PIK3CB: variants seen among roughly 807,000 people sequenced by gnomAD.
PIK3CB encodes phosphatidylinositol-4,5-bisphosphate 3-kinase catalytic subunit beta, also known as phosphatidylinositol 4,5-bisphosphate 3-kinase catalytic subunit beta isoform.
Under a neutral mutation model 136.8 loss-of-function variants are expected in PIK3CB, and 39 were observed. The observed-to-expected ratio is 0.29, with a 90% CI of 0.22 to 0.37. PIK3CB has a LOEUF of 0.37. Among genes scored for constraint, PIK3CB ranks in the 10% least tolerant of loss-of-function variants. The pLI is 1.00. For synonymous variants in PIK3CB, 428 were observed against 436.6 expected, an observed-to-expected ratio of 0.98 and a Z score of 0.25; for missense variants, 868 against 1,275.4, an observed-to-expected ratio of 0.68 and a Z score of 4.87.
intron 19 of PIK3CB, among the ~76,000 whole-genome samples, chr3:138,681,423 T>C (rs1209293403): frequency 6.6e-6 from 1 of 152,210 alleles, no homozygotes; most frequent in Non-Finnish European, 1.5e-5. Context: ...TTTAAATATT[T>C]ACCCCTTGTT....
At chr3:138,667,267 AGAGCACAAGGGG>A (rs540476563) in intron 19 of PIK3CB, among the ~76,000 whole-genome samples, 1 of 149,704 alleles carries the variant, frequency 6.7e-6, no homozygotes, top group African/African-American at 2.4e-5. Flanking sequence ...GGGCTGGAGG[AGAGCACAAGGGG>A]GAGCACAACA....
intron 2 of PIK3CB, chr3:138,778,084 G>A (rs1039135258): frequency 2.9e-6 from 1 of 342,618 alleles, no homozygotes; most frequent in Non-Finnish European, 5.8e-6. Flanking sequence ...AAATCAAATT[G>A]GGTGATGCCA....
chr3:138,805,589 A>G (rs1430786342), intron 1 of PIK3CB, among the ~76,000 whole-genome samples: 1 of 146,848 alleles, frequency 6.8e-6, no homozygotes. Context: ...GGAGAATGGC[A>G]TGAACCTGGG....
chr3:138,740,304 G>A (rs1173827511), intron 5 of PIK3CB, among the ~76,000 whole-genome samples: 1 of 152,238 alleles, frequency 6.6e-6, no homozygotes, highest in African/African-American at 2.4e-5. Context: ...GTTGCAGTGA[G>A]CCTAGCTCAT....
At chr3:138,682,102 CATTA>C (rs2043794813) in intron 18 of PIK3CB, 57 bp from the exon 19 acceptor site, 1 of 1,021,658 alleles carries the variant, frequency 9.8e-7, no homozygotes, top group Non-Finnish European at 1.5e-6. Flanking sequence ...CCCTGTAACT[CATTA>C]ATTCAAGACT....
In PIK3CB at chr3:138,787,192, T is replaced by C. The variant is rs148403244; in HGVS notation, c.-17+9271A>G. Among the ~76,000 whole-genome samples the C allele has an allele frequency of 4.4e-3, 664 of 152,242 alleles. 7 individuals carry two copies. In the Middle Eastern group the frequency reaches 0.044, roughly 10 times the overall value. On this transcript the variant is annotated intron_variant, in intron 2 of 23. Transcript: ENST00000674063. Reference sequence around the variant, plus strand: ...ACTATACCACTCTGTTTACTCATAGTGTTCACATAACATAAGAAGCTCCTA... The same window carrying C: ...ACTATACCACTCTGTTTACTCATAGCGTTCACATAACATAAGAAGCTCCTA...
chr3:138,736,541 T>C (rs1291990285), intron 6 of PIK3CB, among the ~76,000 whole-genome samples: 1 of 152,196 alleles, frequency 6.6e-6, no homozygotes, highest in African/African-American at 2.4e-5. Context: ...TAATGACTAT[T>C]TTTTAGTCTC....
At chr3:138,802,396 A>G (rs2046187342) in intron 1 of PIK3CB, among the ~76,000 whole-genome samples, 1 of 151,596 alleles carries the variant, frequency 6.6e-6, no homozygotes, top group South Asian at 2.1e-4. Context: ...GAAAGAAAGA[A>G]AGAAAGAAAA....
intron 6 of PIK3CB, among the ~76,000 whole-genome samples, chr3:138,736,147 C>T (rs2045098822): frequency 6.6e-6 from 1 of 152,092 alleles, no homozygotes; most frequent in South Asian, 2.1e-4. Flanking sequence ...GATGGCAGAA[C>T]ATGAAGAAAA....
chr3:138,783,007 C>T (rs1304698135), intron 2 of PIK3CB, among the ~76,000 whole-genome samples: 1 of 152,168 alleles, frequency 6.6e-6, no homozygotes, highest in Non-Finnish European at 1.5e-5. Flanking sequence ...CACCCTTCAT[C>T]CAAACAGAAA....
At chr3:138,732,941 A>G (rs1232682124) in intron 8 of PIK3CB, among the ~76,000 whole-genome samples, 1 of 151,796 alleles carries the variant, frequency 6.6e-6, no homozygotes, top group African/African-American at 2.4e-5. Context: ...AAATTCCTGT[A>G]TAAAATATCA....
At chr3:138,667,214 A>C (rs1257935062) in intron 19 of PIK3CB, among the ~76,000 whole-genome samples, 1 of 150,836 alleles carries the variant, frequency 6.6e-6, no homozygotes, top group African/African-American at 2.4e-5. Flanking sequence ...TCTCAAAAAA[A>C]AAAAAAAAAA....
intron 2 of PIK3CB, chr3:138,770,321 C>T (rs780021034): frequency 6.6e-6 from 1 of 152,192 alleles, no homozygotes; most frequent in Non-Finnish European, 1.5e-5. Flanking sequence ...ACCCACTGGA[C>T]TTTACTCCTT....
intron 1 of PIK3CB, among the ~76,000 whole-genome samples, chr3:138,809,598 C>CT (rs1040433712): frequency 3.4e-5 from 3 of 87,206 alleles, no homozygotes; most frequent in African/African-American, 1.4e-4. Context: ...AAGAGCGAGA[C>CT]TTTGCCTCAA....
At chr3:138,799,490 G>T (rs1461083276) in intron 1 of PIK3CB, among the ~76,000 whole-genome samples, 2 of 152,000 alleles carry the variant, frequency 1.3e-5, no homozygotes, top group Admixed American at 6.6e-5. Flanking sequence ...CAACCAGAAT[G>T]TACCTTGTAC....
At chr3:138,663,450 C>T (rs1037365831) in intron 21 of PIK3CB, among the ~76,000 whole-genome samples, 6 of 152,124 alleles carry the variant, frequency 3.9e-5, no homozygotes, top group South Asian at 2.1e-4. Flanking sequence ...GAGGCGATCT[C>T]GGCTCACTGC....
rs536279104 is a variant in PIK3CB at position 138,808,763 on chromosome 3, C to T, written c.-121-12196G>A. Among the ~76,000 whole-genome samples, 13 of 150,596 alleles carry T rather than the reference C, an allele frequency of 8.6e-5. No individual in the cohort carries two copies. In the South Asian group the frequency reaches 2.1e-3, roughly 24 times the overall value. The stretch of plus-strand genomic sequence containing the variant: ...CTCTCTCTCTCTCTATATATATATA[C>T]ACACACACTATACATAATGTTTTAT... On this transcript the variant is annotated intron_variant, in intron 1 of 23. Transcript: ENST00000674063.
At chr3:138,826,328 G>A in intron 1 of PIK3CB, 2 of 1,597,304 alleles carry the variant, frequency 1.3e-6, no homozygotes, top group Non-Finnish European at 1.7e-6. Flanking sequence ...AAGGCTAAAT[G>A]AATATTATCC....
chr3:138,726,917 G>A (rs985114153), intron 8 of PIK3CB, among the ~76,000 whole-genome samples: 5 of 151,944 alleles, frequency 3.3e-5, no homozygotes, highest in African/African-American at 1.2e-4. Flanking sequence ...TGGGTGTGGT[G>A]GTGCATGCCT....
Sources: gnomAD v4.1 joint callset for allele counts (sites outside exome capture counted in the v4.1 genomes callset) on GRCh38, gnomAD v4.1.1 for gene constraint, MANE v1.5 for transcripts, NCBI Gene and HGNC (gene_info 2026-07-23, HGNC 2026-07-21) for gene names.